Variants in DPP4 observed in about 807,000 individuals in gnomAD.
The protein encoded by DPP4 is dipeptidyl peptidase 4, also known as ADCP-2.
In DPP4, 93 loss-of-function variants were observed where a neutral mutation model predicts 122.4. That is an observed-to-expected ratio of 0.76 (90% confidence interval 0.64 to 0.90). The LOEUF is 0.90. Among genes scored for constraint, DPP4 ranks in the 40% least tolerant of loss-of-function variants. The probability of loss-of-function intolerance (pLI) is 0.00; values close to 1 mark genes in which losing one functional copy is unlikely to be tolerated. For missense variants in DPP4, 914 were observed against 907.3 expected, an observed-to-expected ratio of 1.01 and a Z score of -0.09; for synonymous variants, 321 against 302.9, an observed-to-expected ratio of 1.06 and a Z score of -0.62.
Position 162,047,016 on chromosome 2 carries a change from G to C in DPP4, c.194-10C>G. ...TAGAGATATTCATGATCTAAAGAGA[G>C]AAAACACCCAGATCAAAATTTCAAG... is the stretch of plus-strand genomic sequence containing the variant. On this transcript the variant is annotated splice_polypyrimidine_tract_variant and intron_variant, in intron 3 of 25. Transcript: ENST00000360534. 7.0e-7 allele frequency: 1 copy of C among 1,435,270 alleles called. No individual in the cohort carries two copies. The highest frequency in any genetic ancestry group is 9.7e-7 in the Non-Finnish European group (1 of 1,031,894). The allele number at this position is 1,435,270 out of a possible 1,614,324, so 88.9% of individuals were successfully genotyped here. A position where few individuals can be genotyped will look rare whatever the true frequency, so the allele number is the denominator to read the frequency against.
intron 9 of DPP4, 63 bp from the exon 10 acceptor site, chr2:162,033,716 A>T: frequency 9.0e-7 from 1 of 1,115,678 alleles, no homozygotes; most frequent in South Asian, 1.4e-5. Flanking sequence ...CGTTGCACAC[A>T]TTTTAAAACT....
At chr2:162,000,156 A>G (rs1559703981) in intron 23 of DPP4, among the ~76,000 whole-genome samples, 1 of 152,156 alleles carries the variant, frequency 6.6e-6, no homozygotes, top group Non-Finnish European at 1.5e-5. Context: ...CCAGCACTTC[A>G]GTAAGATACG....
Position 162,008,624 on chromosome 2 carries a change from G to C in DPP4, c.1925C>G (p.Ser642Trp). Residue 642 changes from serine to tryptophan, a missense_variant, in exon 22 of 26, where the codon TCG (serine) becomes TGG (tryptophan). By Grantham distance (177) the Ser-to-Trp change is radical. Transcript: ENST00000360534. ...TCCACACTTGAACACGCCACTTCCC[G>C]ATCCCAGGACCATTGAGGTTACGTA... The part of the protein sequence containing the change: ...GGYVTSMVLG[S>W]GSGVFKCGIA... 1 of 1,613,504 alleles carries C rather than the reference G, an allele frequency of 6.2e-7. No homozygotes were observed. Among genetic ancestry groups the C allele is most frequent in the Non-Finnish European group, 8.5e-7 (1 of 1,179,696 alleles).
intron 25 of DPP4, among the ~76,000 whole-genome samples, chr2:161,994,613 T>C (rs1428593634): frequency 6.6e-6 from 1 of 152,206 alleles, no homozygotes; most frequent in African/African-American, 2.4e-5. Flanking sequence ...GCTGAGCTAT[T>C]ATCATGCTGG....
rs190778329 is a variant in DPP4, at chr2:162,011,497, T to C, written c.1832+296A>G. Among the ~76,000 whole-genome samples, 660 of 152,278 alleles carry C rather than the reference T, an allele frequency of 4.3e-3. 5 individuals carry two copies. Among genetic ancestry groups the C allele is most frequent in the African/African-American group, 0.015 (626 of 41,568 alleles). ...TTATTCCTCAGTTTGTCCCCGAGTC[T>C]GATGAATTTTGATTTTCTGTTCTTA... On this transcript the variant is annotated intron_variant, in intron 20 of 25. Coordinates refer to ENST00000360534, the MANE Select transcript of DPP4 (RefSeq NM_001935.4).
At chr2:162,065,278 A>G (rs1684911719) in intron 2 of DPP4, among the ~76,000 whole-genome samples, 1 of 152,222 alleles carries the variant, frequency 6.6e-6, no homozygotes. Context: ...ATGAATGAGG[A>G]AGAGCATCCT....
chr2:161,997,319 A>T (rs1701031134), intron 23 of DPP4, among the ~76,000 whole-genome samples: 2 of 152,184 alleles, frequency 1.3e-5, no homozygotes, highest in Non-Finnish European at 2.9e-5. Context: ...CCATCTGTCC[A>T]TCCATCCCAA....
At chr2:162,016,689 T>C in intron 18 of DPP4, 79 bp downstream of exon 18, 1 of 888,776 alleles carries the variant, frequency 1.1e-6, no homozygotes, top group Admixed American at 2.7e-5. Flanking sequence ...ATGAAATACA[T>C]ATTTTCAGAT....
rs142758216 is a variant in DPP4 at position 162,038,384 on chromosome 2, T to A, written c.531A>T (p.Glu177Asp). The stretch of plus-strand genomic sequence containing the variant: ...TGATTCTGTAACTTGGTAAATTTGG[T>A]TCAATTTTAACATAAATGTCATTGT... ...VWNNDIYVKI[E>D]PNLPSYRITW... The change falls in exon 8 of 26, where the codon GAA (glutamate) becomes GAT (aspartate). Residue 177 changes from glutamate to aspartate, a missense_variant. Coordinates refer to ENST00000360534, the MANE Select transcript of DPP4 (RefSeq NM_001935.4). 1 of 1,609,024 alleles carries A rather than the reference T, an allele frequency of 6.2e-7. No homozygotes were observed. The highest frequency in any genetic ancestry group is 8.5e-7 in the Non-Finnish European group (1 of 1,177,386).
chr2:162,024,290 A>G (rs1215122316), intron 11 of DPP4, among the ~76,000 whole-genome samples: 2 of 152,220 alleles, frequency 1.3e-5, no homozygotes, highest in African/African-American at 4.8e-5. Context: ...GGATGAACAG[A>G]GTTGGCCTCA....
At chr2:162,057,268 C>A (rs1372013646) in intron 2 of DPP4, among the ~76,000 whole-genome samples, 1 of 152,212 alleles carries the variant, frequency 6.6e-6, no homozygotes, top group Non-Finnish European at 1.5e-5. Context: ...TATTACAACT[C>A]AGGTTCTAGA....
At chr2:162,001,179 CG>C (rs1439620630) in intron 23 of DPP4, among the ~76,000 whole-genome samples, 4 of 152,056 alleles carry the variant, frequency 2.6e-5, no homozygotes, top group African/African-American at 9.7e-5. Context: ...TTTGTGTGTC[CG>C]TAAAATAGAA....
At chr2:162,018,169 A>G (rs746594133) in intron 16 of DPP4, among the ~76,000 whole-genome samples, 2 of 152,238 alleles carry the variant, frequency 1.3e-5, no homozygotes, top group Non-Finnish European at 2.9e-5. Context: ...AGTTCTTTTC[A>G]GAATATCCAG....
chr2:161,994,870 T>C (rs1014477768), intron 25 of DPP4, 91 bp downstream of exon 25: 1 of 1,230,014 alleles, frequency 8.1e-7, no homozygotes, highest in African/African-American at 1.5e-5. Flanking sequence ...TATTCTGTCC[T>C]GTCTGTGGCA....
intron 2 of DPP4, among the ~76,000 whole-genome samples, chr2:162,052,116 C>G (rs1383852207): frequency 6.6e-6 from 1 of 151,800 alleles, no homozygotes; most frequent in African/African-American, 2.4e-5. Context: ...GTTGGGAGTT[C>G]GAGACCAGAC....
At chr2:162,014,363 C>T (rs776066273) in intron 19 of DPP4, 33 bp downstream of exon 19, 1 of 1,554,624 alleles carries the variant, frequency 6.4e-7, no homozygotes, top group Non-Finnish European at 8.8e-7. Flanking sequence ...TGACTCAATA[C>T]TTCTAAATTG....
Position 162,045,600 on chromosome 2 carries a change from G to A in DPP4, c.298C>T (p.His100Tyr). The change falls in exon 5 of 26, where the codon CAT becomes TAT. Residue 100 changes from histidine to tyrosine, a missense_variant. By Grantham distance (83) the His-to-Tyr change is moderately conservative (BLOSUM62 2). Coordinates refer to ENST00000360534, the MANE Select transcript of DPP4 (RefSeq NM_001935.4). ...LENSTFDEFG[H>Y]SINDYSISPD... ...GATATTGAATAATCATTGATAGAAT[G>A]TCCAAACTCATCCTGTCAAACAAGA... 2 of 1,611,842 alleles carry A rather than the reference G, an allele frequency of 1.2e-6. No homozygotes were observed.
chr2:162,046,523 A>T (rs905607731), intron 4 of DPP4, among the ~76,000 whole-genome samples: 1 of 152,240 alleles, frequency 6.6e-6, no homozygotes, highest in African/African-American at 2.4e-5. Context: ...TGTAGGAACC[A>T]GCAGGCTACT....
intron 23 of DPP4, among the ~76,000 whole-genome samples, chr2:161,997,256 G>A (rs1193519042): frequency 6.6e-6 from 1 of 152,108 alleles, no homozygotes; most frequent in Admixed American, 6.5e-5. Context: ...TTATTTTTGA[G>A]AAACTTTTTT....
Sources: gnomAD v4.1 joint callset for allele counts (sites outside exome capture counted in the v4.1 genomes callset) on GRCh38, gnomAD v4.1.1 for gene constraint, MANE v1.5 for transcripts, NCBI Gene and HGNC (gene_info 2026-07-23, HGNC 2026-07-21) for gene names.